The following ITGA2 variants were observed in gnomAD, a reference collection of about 807,000 sequenced individuals.
ITGA2 encodes integrin alpha-2.
Under a neutral mutation model 146.3 loss-of-function variants are expected in ITGA2, and 101 were observed. That is an observed-to-expected ratio of 0.69 (90% confidence interval 0.59 to 0.81). The LOEUF (loss-of-function observed/expected upper bound fraction) is 0.81, where lower values mean the gene tolerates loss of function less well. Among genes scored for constraint, ITGA2 ranks in the 40% least tolerant of loss-of-function variants. The probability of loss-of-function intolerance (pLI) is 0.00; values close to 1 mark genes in which losing one functional copy is unlikely to be tolerated. For missense variants in ITGA2, 1,281 were observed against 1,402.7 expected, an observed-to-expected ratio of 0.91 and a Z score of 1.39; for synonymous variants, 477 against 487.1, an observed-to-expected ratio of 0.98 and a Z score of 0.27.
At chr5:53,017,734 G>A (rs4865756) in intron 1 of ITGA2, among the ~76,000 whole-genome samples, 73,446 of 152,032 alleles carry the variant, frequency 0.48, 18,946 homozygotes, top group Non-Finnish European at 0.58. Context: ...ATTCATGCCA[G>A]CATAGCAGGC....
chr5:53,022,045 C>A (rs1206444235), intron 1 of ITGA2, among the ~76,000 whole-genome samples: 1 of 152,212 alleles, frequency 6.6e-6, no homozygotes, highest in Non-Finnish European at 1.5e-5. Flanking sequence ...TTTTGCCACC[C>A]TTTACTACAA....
chr5:53,018,837 G>C (rs997339331), intron 1 of ITGA2, among the ~76,000 whole-genome samples: 1 of 152,130 alleles, frequency 6.6e-6, no homozygotes, highest in Non-Finnish European at 1.5e-5. Context: ...GCCGAGGCAC[G>C]TGGGTCTCCT....
At chr5:53,006,990 C>T (rs1324490098) in intron 1 of ITGA2, among the ~76,000 whole-genome samples, 1 of 152,172 alleles carries the variant, frequency 6.6e-6, no homozygotes, top group Non-Finnish European at 1.5e-5. Flanking sequence ...TAAACATGTG[C>T]ATGGCATCAC....
intron 2 of ITGA2, among the ~76,000 whole-genome samples, chr5:53,037,482 C>T (rs1184725887): frequency 1.3e-5 from 2 of 152,196 alleles, no homozygotes; most frequent in Non-Finnish European, 2.9e-5. Context: ...TGGTGTGTCT[C>T]TTCCTGCACG....
At chr5:52,995,216 C>T (rs1741176185) in intron 1 of ITGA2, among the ~76,000 whole-genome samples, 7 of 152,092 alleles carry the variant, frequency 4.6e-5, no homozygotes, top group Non-Finnish European at 8.8e-5. Flanking sequence ...TGATATAGAG[C>T]AGGGGTTTTA....
intron 2 of ITGA2, among the ~76,000 whole-genome samples, chr5:53,034,127 C>T (rs1402495404): frequency 1.3e-5 from 2 of 151,886 alleles, no homozygotes; most frequent in Non-Finnish European, 2.9e-5. Flanking sequence ...TTATTTTTTA[C>T]TCATAACTTA....
At chr5:53,051,376 TGAC>T in intron 6 of ITGA2, 32 bp from the exon 7 acceptor site, 1 of 1,602,768 alleles carries the variant, frequency 6.2e-7, no homozygotes, top group Non-Finnish European at 8.5e-7. Context: ...TTTAATGTAA[TGAC>T]AGCCCATTAA....
At chr5:53,029,575 TCTATATAGCACTCGA>T (rs1364619471) in intron 2 of ITGA2, among the ~76,000 whole-genome samples, 5 of 152,118 alleles carry the variant, frequency 3.3e-5, no homozygotes, top group Non-Finnish European at 7.4e-5. Context: ...AGCAACCCTA[TCTATATAGCACTCGA>T]CTGCTCTCTG....
At chr5:53,015,468 A>G (rs1742358259) in intron 1 of ITGA2, among the ~76,000 whole-genome samples, 1 of 24,430 alleles carries the variant, frequency 4.1e-5, no homozygotes, top group Non-Finnish European at 8.0e-5. Flanking sequence ...TGTGGTTGGT[A>G]TGATTTTTTT....
chr5:53,004,606 C>T (rs923176007), intron 1 of ITGA2, among the ~76,000 whole-genome samples: 1 of 152,140 alleles, frequency 6.6e-6, no homozygotes, highest in Non-Finnish European at 1.5e-5. Context: ...TCTAGCATCA[C>T]CTGGACAGGA....
At chr5:53,055,808 T>G (rs532414218) in intron 8 of ITGA2, 120 bp downstream of exon 8, 2 of 1,308,112 alleles carry the variant, frequency 1.5e-6, no homozygotes, top group East Asian at 4.7e-5. Flanking sequence ...AAGAAAGTTC[T>G]TACTCTATCT....
In ITGA2 at chr5:53,045,080, T is replaced by C; in HGVS notation, c.375T>C (p.Thr125=). 1 of 1,613,188 alleles carries C rather than the reference T, an allele frequency of 6.2e-7. No individual in the cohort carries two copies. Among genetic ancestry groups the C allele is most frequent in the Non-Finnish European group, 8.5e-7 (1 of 1,179,132 alleles). The stretch of plus-strand genomic sequence containing the variant: ...TGATCCTCACCAGGAACATGGGAAC[T>C]GGAGGTTTTCTCGTGAGTGTTTACT... The part of the protein sequence containing the change: ...LGLILTRNMG[T]GGFLTCGPLW... The change falls in exon 4 of 30, where the codon ACT becomes ACC. Residue 125 remains threonine (T), a synonymous_variant. Transcript: ENST00000296585.
intron 27 of ITGA2, among the ~76,000 whole-genome samples, chr5:53,085,214 TG>T (rs1746102629): frequency 6.6e-6 from 1 of 152,266 alleles, no homozygotes; most frequent in South Asian, 2.1e-4. Context: ...CACTGCCTTT[TG>T]TTGCTACCCT....
chr5:53,012,289 C>T (rs1420930685), intron 1 of ITGA2, among the ~76,000 whole-genome samples: 1 of 152,100 alleles, frequency 6.6e-6, no homozygotes, highest in Non-Finnish European at 1.5e-5. Flanking sequence ...TCCTAATACA[C>T]ATGAGATAGA....
intron 25 of ITGA2, 40 bp downstream of exon 25, chr5:53,080,661 G>A (rs765401209): frequency 1.5e-6 from 2 of 1,374,738 alleles, no homozygotes; most frequent in East Asian, 4.6e-5. Flanking sequence ...GTACTTTCAA[G>A]ATGTAAATAA....
chr5:53,091,751 C>CAGGG lies in ITGA2; in HGVS notation c.*1155_*1158dup, dbSNP rs1208928070. The stretch of plus-strand genomic sequence containing the variant: ...TTACTGTATATAAACTCCTTAACTT[C>CAGGG]AGGGAGCTATTTTCATTTAGTGCTA... On this transcript the variant is annotated 3_prime_UTR_variant, in exon 30 of 30. Coordinates refer to ENST00000296585, the MANE Select transcript of ITGA2 (RefSeq NM_002203.4). 1 of 152,192 alleles carries CAGGG rather than the reference C, an allele frequency of 6.6e-6. No homozygotes were observed. Among genetic ancestry groups the CAGGG allele is most frequent in the Non-Finnish European group, 1.5e-5 (1 of 68,044 alleles). 9.4% of individuals were successfully genotyped at this position (152,192 alleles called of 1,614,324 possible).
chr5:53,048,228 G>T lies in ITGA2; in HGVS notation c.388-135G>T, dbSNP rs1744185969. On this transcript the variant is annotated intron_variant, in intron 4 of 29. Transcript: ENST00000296585. ...TTCTGCTTTCCCCGAAGGCATTACT[G>T]ACTCATTGGTTTTGAGTTGACAATT... is the stretch of plus-strand genomic sequence containing the variant. The T allele has an allele frequency of 1.3e-5, 10 of 744,372 alleles. No homozygotes were observed. In the East Asian group the frequency reaches 2.6e-4, roughly 20 times the overall value. 46.1% of individuals were successfully genotyped at this position (744,372 alleles called of 1,614,324 possible). A position where few individuals can be genotyped will look rare whatever the true frequency, so the allele number is the denominator to read the frequency against.
intron 2 of ITGA2, among the ~76,000 whole-genome samples, chr5:53,028,085 A>C (rs2111822314): frequency 6.6e-6 from 1 of 152,244 alleles, no homozygotes; most frequent in South Asian, 2.1e-4. Context: ...TGTCTCAAAA[A>C]AAAAAGAGGA....
chr5:53,043,592 T>A (rs922065622), intron 3 of ITGA2, among the ~76,000 whole-genome samples: 3 of 152,088 alleles, frequency 2.0e-5, no homozygotes, highest in Non-Finnish European at 2.9e-5. Flanking sequence ...GGAGTGAAAG[T>A]TGACCTCCAT....
Sources: allele counts gnomAD v4.1 joint callset (sites outside exome capture counted in the v4.1 genomes callset), GRCh38; gene constraint gnomAD v4.1.1; transcripts MANE v1.5; gene names NCBI Gene and HGNC (gene_info 2026-07-23, HGNC 2026-07-21).